Variants in LRRC7 observed in about 807,000 individuals in gnomAD.
The protein encoded by LRRC7 is leucine rich repeat containing 7.
A neutral mutation model predicts 175.7 loss-of-function variants in LRRC7; 23 were observed. The ratio of observed to expected loss-of-function variants is 0.13; its 90% CI spans 0.09 to 0.19. The LOEUF (loss-of-function observed/expected upper bound fraction) is 0.19, where lower values mean the gene tolerates loss of function less well. Among genes scored for constraint, LRRC7 ranks in the 10% least tolerant of loss-of-function variants. The pLI, the probability that LRRC7 is intolerant of heterozygous loss-of-function variation, is 1.00. For synonymous variants in LRRC7, 685 were observed against 680.9 expected (o/e 1.01, Z -0.09); for missense variants, 1,354 against 1,904.7 (o/e 0.71, Z 5.38).
intron 1 of LRRC7, among the ~76,000 whole-genome samples, chr1:69,660,647 G>C (rs954183754): frequency 6.6e-6 from 1 of 152,088 alleles, no homozygotes; most frequent in African/African-American, 2.4e-5. Flanking sequence ...GGATTCCAAA[G>C]AGAAGACATT....
chr1:69,813,582 G>A lies in LRRC7; in HGVS notation c.422-12166G>A, dbSNP rs576437627. Among the ~76,000 whole-genome samples, 109 of 152,090 alleles carry A rather than the reference G, an allele frequency of 7.2e-4. 1 individual carries two copies. The highest frequency in any genetic ancestry group is 5.8e-3 in the South Asian group (28 of 4,824). ...TGTCTCATTTGCTATTTGTGAATACGGCAATTTTCCATTTTTTAAATTAAA... is the reference window on the plus strand; with the variant it reads ...TGTCTCATTTGCTATTTGTGAATACAGCAATTTTCCATTTTTTAAATTAAA... On this transcript the variant is annotated intron_variant, in intron 4 of 26. Transcript: ENST00000651989.
chr1:69,843,214 CAAA>C (rs905777908), intron 7 of LRRC7, among the ~76,000 whole-genome samples: 1 of 146,318 alleles, frequency 6.8e-6, no homozygotes, highest in South Asian at 2.2e-4. Flanking sequence ...AAAACAACAA[CAAA>C]AAAAAAACCT....
chr1:69,811,518 C>A (rs1677862038), intron 4 of LRRC7, among the ~76,000 whole-genome samples: 1 of 152,104 alleles, frequency 6.6e-6, no homozygotes, highest in African/African-American at 2.4e-5. Flanking sequence ...TTGGAACCAA[C>A]CCAAATGTCC....
intron 7 of LRRC7, among the ~76,000 whole-genome samples, chr1:69,900,714 C>T (rs533623580): frequency 1.1e-4 from 17 of 152,258 alleles, no homozygotes; most frequent in African/African-American, 3.4e-4. Context: ...TTGAGCATCA[C>T]GTTGGCACTC....
intron 2 of LRRC7, among the ~76,000 whole-genome samples, chr1:69,721,932 A>T (rs1255161057): frequency 6.6e-6 from 1 of 151,842 alleles, no homozygotes; most frequent in Non-Finnish European, 1.5e-5. Context: ...GTACATTCAC[A>T]CTGTCATGCA....
At chr1:69,847,010 T>G (rs771448666) in intron 7 of LRRC7, among the ~76,000 whole-genome samples, 3 of 152,104 alleles carry the variant, frequency 2.0e-5, no homozygotes, top group Non-Finnish European at 4.4e-5. Context: ...TTTTCTGTCA[T>G]TCTCAATAAA....
chr1:69,810,753 A>G (rs989651126), intron 4 of LRRC7, among the ~76,000 whole-genome samples: 1 of 152,198 alleles, frequency 6.6e-6, no homozygotes, highest in African/African-American at 2.4e-5. Flanking sequence ...CTTTCCTTGC[A>G]CCTTACACAA....
At chr1:69,644,586 A>T (rs1251095086) in intron 1 of LRRC7, among the ~76,000 whole-genome samples, 2 of 151,966 alleles carry the variant, frequency 1.3e-5, no homozygotes, top group South Asian at 2.1e-4. Flanking sequence ...ATATGGTTTC[A>T]CTGGTGACTT....
At chr1:69,617,547 T>TAAA (rs11473590) in intron 1 of LRRC7, among the ~76,000 whole-genome samples, 6,902 of 61,930 alleles carry the variant, frequency 0.11, 1,007 homozygotes, top group African/African-American at 0.2. Flanking sequence ...ATACTCACAG[T>TAAA]AAAAAAAAAA....
chr1:69,758,554 A>T (rs1023288930), intron 2 of LRRC7, among the ~76,000 whole-genome samples: 3 of 151,990 alleles, frequency 2.0e-5, no homozygotes, highest in African/African-American at 7.2e-5. Context: ...CATTGGTTAC[A>T]CGGGTAAATT....
chr1:69,874,042 T>C (rs1685810224), intron 7 of LRRC7: 1 of 152,180 alleles, frequency 6.6e-6, no homozygotes. Flanking sequence ...CCTGATGATG[T>C]TCCATTGTGG....
chr1:70,014,265 A>G (rs1388442262), intron 13 of LRRC7: 1 of 152,040 alleles, frequency 6.6e-6, no homozygotes, highest in African/African-American at 2.4e-5. Context: ...GAATGAAAAT[A>G]ATTCATTCAT....
At chr1:69,861,272 T>A (rs569871565) in intron 7 of LRRC7, among the ~76,000 whole-genome samples, 17 of 152,316 alleles carry the variant, frequency 1.1e-4, no homozygotes, top group African/African-American at 4.1e-4. Context: ...TCATTAATAA[T>A]GTTCATATTT....
intron 2 of LRRC7, among the ~76,000 whole-genome samples, chr1:69,702,468 T>G (rs903529329): frequency 1.3e-5 from 2 of 152,180 alleles, no homozygotes; most frequent in Non-Finnish European, 2.9e-5. Flanking sequence ...TCCTGCATCA[T>G]TGACCGCAAA....
chr1:69,762,810 A>G (rs912125891), intron 3 of LRRC7, among the ~76,000 whole-genome samples: 1 of 152,038 alleles, frequency 6.6e-6, no homozygotes, highest in East Asian at 1.9e-4. Context: ...ATATAAGTAC[A>G]CCAAAGACTT....
intron 11 of LRRC7, among the ~76,000 whole-genome samples, chr1:69,997,478 C>A (rs1456332074): frequency 4.6e-5 from 7 of 151,688 alleles, no homozygotes; most frequent in Admixed American, 3.9e-4. Flanking sequence ...TGTCTTGTGC[C>A]AGTTTTCAAA....
At chr1:69,599,099 T>C (rs545762583) in intron 1 of LRRC7, among the ~76,000 whole-genome samples, 1 of 151,778 alleles carries the variant, frequency 6.6e-6, no homozygotes, top group African/African-American at 2.4e-5. Flanking sequence ...AGCTGATGTA[T>C]GCCACACAGG....
rs1035894113 is a variant in LRRC7, at chr1:69,901,103, G to T, written c.648-30404G>T. The stretch of plus-strand genomic sequence containing the variant: ...AGAAATGATATGATCAAATTATTTT[G>T]GGGTTTACTCTGGTGATGATGTTAT... On this transcript the variant is annotated intron_variant, in intron 7 of 26. Coordinates refer to ENST00000651989, the MANE Select transcript of LRRC7 (RefSeq NM_001370785.2). Among the ~76,000 whole-genome samples, 6 of 152,004 alleles carry T rather than the reference G, an allele frequency of 3.9e-5. 1 individual carries two copies. Among genetic ancestry groups the T allele is most frequent in the Non-Finnish European group, 8.8e-5 (6 of 68,022 alleles).
In LRRC7 at chr1:69,568,583, T is replaced by C; in HGVS notation, c.-57T>C. Reference sequence around the variant, plus strand: ...CCCCTGAACACTTAAGGAATAACCCTTGGCAGCTGCACGACTACGCTCTCC... The same window carrying C: ...CCCCTGAACACTTAAGGAATAACCCCTGGCAGCTGCACGACTACGCTCTCC... On this transcript the variant is annotated 5_prime_UTR_variant, in exon 1 of 27. Transcript: ENST00000651989. 7.4e-7 allele frequency: 1 copy of C among 1,346,290 alleles called. No homozygotes were observed. The highest frequency in any genetic ancestry group is 9.9e-7 in the Non-Finnish European group (1 of 1,013,236). The allele number at this position is 1,346,290 out of a possible 1,614,324, so 83.4% of individuals were successfully genotyped here.
Sources: gnomAD v4.1 joint callset for allele counts (sites outside exome capture counted in the v4.1 genomes callset) on GRCh38, gnomAD v4.1.1 for gene constraint, MANE v1.5 for transcripts, NCBI Gene and HGNC (gene_info 2026-07-23, HGNC 2026-07-21) for gene names.